Variants in CDH4 observed in about 807,000 individuals in gnomAD.
CDH4 encodes cadherin 4.
Under a neutral mutation model 86.0 loss-of-function variants are expected in CDH4, and 33 were observed. That is an observed-to-expected ratio of 0.38 (90% confidence interval 0.29 to 0.51). The LOEUF is 0.51. Ranked by LOEUF, CDH4 falls within the 20% of genes least tolerant of loss-of-function variation. CDH4 has a pLI of 0.86. For missense variants in CDH4, 1,114 were observed against 1,307.4 expected, an observed-to-expected ratio of 0.85 and a Z score of 2.28; for synonymous variants, 555 against 549.4, an observed-to-expected ratio of 1.01 and a Z score of -0.14.
intron 2 of CDH4, among the ~76,000 whole-genome samples, chr20:61,376,758 G>A (rs1351712199): frequency 6.6e-6 from 1 of 152,210 alleles, no homozygotes; most frequent in Non-Finnish European, 1.5e-5. Flanking sequence ...TGGAAGGTGG[G>A]TGCTCACATT....
intron 2 of CDH4, among the ~76,000 whole-genome samples, chr20:61,609,504 C>T (rs2086669058): frequency 6.6e-6 from 1 of 152,142 alleles, no homozygotes; most frequent in African/African-American, 2.4e-5. Context: ...CAAGTTGAAA[C>T]AAATTCCAAA....
intron 2 of CDH4, among the ~76,000 whole-genome samples, chr20:61,258,667 GA>G (rs992342134): frequency 6.6e-6 from 1 of 152,234 alleles, no homozygotes; most frequent in African/African-American, 2.4e-5. Flanking sequence ...CGTGAGTGCA[GA>G]CATAGGTGGT....
chr20:61,442,991 C>A lies in CDH4; in HGVS notation c.169+188054C>A, dbSNP rs181736758. 3.9e-5 allele frequency among the ~76,000 whole-genome samples: 6 copies of A among 152,304 alleles called. No individual in the cohort carries two copies. The East Asian group carries it at 1.2e-3, about 29-fold the overall frequency. ...TGCACCCCTTCTTCCTTCCTCCACC[C>A]CCAGGTATGTGAATCACAATGTCTT... On this transcript the variant is annotated intron_variant, in intron 2 of 15. Coordinates refer to ENST00000614565, the MANE Select transcript of CDH4 (RefSeq NM_001794.5).
rs994068839 is a variant in CDH4 at position 61,392,197 on chromosome 20, C to T, written c.169+137260C>T. 2.6e-5 allele frequency among the ~76,000 whole-genome samples: 4 copies of T among 151,684 alleles called. No homozygotes were observed. Among genetic ancestry groups the T allele is most frequent in the Non-Finnish European group, 5.9e-5 (4 of 67,952 alleles). Reference sequence around the variant, plus strand: ...CACAGGGACTCCTCCAGTGGTTTAACGTGCAGTGTGAGTGGCCTTAACACG... The same window carrying T: ...CACAGGGACTCCTCCAGTGGTTTAATGTGCAGTGTGAGTGGCCTTAACACG... On this transcript the variant is annotated intron_variant, in intron 2 of 15. Coordinates refer to ENST00000614565, the MANE Select transcript of CDH4 (RefSeq NM_001794.5). The surrounding 1 kb of genome is among the most constrained non-coding windows in gnomAD (Gnocchi z 5.7).
intron 2 of CDH4, among the ~76,000 whole-genome samples, chr20:61,438,549 G>A (rs2085297768): frequency 6.6e-6 from 1 of 152,182 alleles, no homozygotes; most frequent in Admixed American, 6.5e-5. Context: ...ATGGCATGTG[G>A]GTATAATTGG....
intron 2 of CDH4, among the ~76,000 whole-genome samples, chr20:61,438,927 C>A (rs6062003): frequency 5.5e-4 from 82 of 148,326 alleles, no homozygotes; most frequent in African/African-American, 1.7e-3. Context: ...AAAAAAAAAA[C>A]CAAAAACCTT....
intron 2 of CDH4, among the ~76,000 whole-genome samples, chr20:61,428,640 C>T (rs547319201): frequency 5.6e-4 from 85 of 152,296 alleles, no homozygotes; most frequent in African/African-American, 1.9e-3. Context: ...TGATAGGAGG[C>T]AGAGTGGAAG....
intron 2 of CDH4, among the ~76,000 whole-genome samples, chr20:61,453,442 C>T (rs182810509): frequency 5.9e-5 from 9 of 152,286 alleles, no homozygotes; most frequent in Non-Finnish European, 1.2e-4. Flanking sequence ...CGGGACCCCC[C>T]TGAGCTTCTT....
At chr20:61,638,657 G>A (rs538800924) in intron 2 of CDH4, among the ~76,000 whole-genome samples, 17 of 152,284 alleles carry the variant, frequency 1.1e-4, no homozygotes, top group South Asian at 2.1e-4. Context: ...CAATGTGCAC[G>A]TAAACCTTTC....
At chr20:61,426,075 T>C (rs1442780221) in intron 2 of CDH4, among the ~76,000 whole-genome samples, 2 of 152,218 alleles carry the variant, frequency 1.3e-5, no homozygotes, top group African/African-American at 4.8e-5. Context: ...TACTAACTCA[T>C]TGCAGTTAAA....
At chr20:61,359,022 T>A (rs576613552) in intron 2 of CDH4, among the ~76,000 whole-genome samples, 98 of 152,166 alleles carry the variant, frequency 6.4e-4, no homozygotes, top group African/African-American at 2.1e-3. Context: ...GAGGGTCAGG[T>A]TGGGAAGCCG....
chr20:61,711,517 A>G (rs6061325), intron 2 of CDH4, among the ~76,000 whole-genome samples: 91,330 of 152,028 alleles, frequency 0.6, 27,766 homozygotes, highest in Non-Finnish European at 0.65. Context: ...CCTCAAAGCT[A>G]GCAGCACAGC....
At chr20:61,259,902 A>C (rs918954405) in intron 2 of CDH4, among the ~76,000 whole-genome samples, 1 of 152,104 alleles carries the variant, frequency 6.6e-6, no homozygotes, top group African/African-American at 2.4e-5. Flanking sequence ...CTTTGCTCTT[A>C]CTTCTTCCTC....
intron 2 of CDH4, among the ~76,000 whole-genome samples, chr20:61,413,880 G>C (rs980423272): frequency 2.0e-5 from 3 of 152,178 alleles, no homozygotes; most frequent in Admixed American, 2.0e-4. Context: ...AGACCCACAG[G>C]CTGGGCAGCT....
rs181569413 is a variant in CDH4 at position 61,541,714 on chromosome 20, T to G, written c.170-201849T>G. 1.4e-4 allele frequency among the ~76,000 whole-genome samples: 22 copies of G among 152,332 alleles called. No homozygotes were observed. In the East Asian group the frequency reaches 4.2e-3, roughly 29 times the overall value. On this transcript the variant is annotated intron_variant, in intron 2 of 15. Transcript: ENST00000614565. ...ATAGACAGAAATTATGCTAGAATTTTATGGCTTTTTCTTCTCACTTAATGC... is the reference window on the plus strand; with the variant it reads ...ATAGACAGAAATTATGCTAGAATTTGATGGCTTTTTCTTCTCACTTAATGC...
intron 2 of CDH4, among the ~76,000 whole-genome samples, chr20:61,410,036 C>T (rs1354536618): frequency 6.6e-6 from 1 of 152,228 alleles, no homozygotes; most frequent in Non-Finnish European, 1.5e-5. Flanking sequence ...CAGTGCAGAG[C>T]GGGGATCTGA....
intron 2 of CDH4, among the ~76,000 whole-genome samples, chr20:61,318,050 T>G (rs2084486569): frequency 6.6e-6 from 1 of 152,146 alleles, no homozygotes; most frequent in South Asian, 2.1e-4. Flanking sequence ...GGCTGGAGGG[T>G]GGTTTCCTGC....
At chr20:61,724,215 CA>C (rs1393199953) in intron 2 of CDH4, among the ~76,000 whole-genome samples, 1 of 152,076 alleles carries the variant, frequency 6.6e-6, no homozygotes, top group Admixed American at 6.5e-5. Context: ...GCAGGCAGGG[CA>C]CAGTTGGGTG....
intron 9 of CDH4, among the ~76,000 whole-genome samples, chr20:61,919,012 A>C (rs2054937538): frequency 6.6e-6 from 1 of 152,182 alleles, no homozygotes; most frequent in Non-Finnish European, 1.5e-5. Flanking sequence ...CTGGGACTAC[A>C]GGTGTGTGCT....
Sources: gnomAD v4.1 joint callset for allele counts (sites outside exome capture counted in the v4.1 genomes callset) on GRCh38, gnomAD v4.1.1 for gene constraint, Gnocchi (gnomAD v3.1) non-coding constraint, MANE v1.5 for transcripts, NCBI Gene and HGNC (gene_info 2026-07-23, HGNC 2026-07-21) for gene names.